BMPR2: variants seen among roughly 807,000 people sequenced by gnomAD.
BMPR2 encodes the protein bone morphogenetic protein receptor type 2.
In BMPR2, 29 loss-of-function variants were observed where a neutral mutation model predicts 100.8. The observed-to-expected ratio is 0.29, with a 90% CI of 0.21 to 0.39. The LOEUF is 0.39. Among genes scored for constraint, BMPR2 ranks in the 10% least tolerant of loss-of-function variants. BMPR2 has a pLI of 1.00. For missense variants in BMPR2, 1,011 were observed against 1,274.5 expected, an observed-to-expected ratio of 0.79 and a Z score of 3.15; for synonymous variants, 382 against 442.3, an observed-to-expected ratio of 0.86 and a Z score of 1.71.
At chr2:202,550,899 A>C (rs1181543430) in intron 10 of BMPR2, among the ~76,000 whole-genome samples, 1 of 149,376 alleles carries the variant, frequency 6.7e-6, no homozygotes, top group African/African-American at 2.5e-5. Context: ...CTTATTATCT[A>C]ATGTCCTTTG....
At position 202,384,554 on chromosome 2, in the gene BMPR2, TTC is replaced by T. The variant is rs1445175710; in HGVS notation, c.76+7006_76+7007del. 7.1e-4 allele frequency among the ~76,000 whole-genome samples: 38 copies of T among 53,626 alleles called. 1 individual carries two copies. Among genetic ancestry groups the T allele is most frequent in the African/African-American group, 2.2e-3 (27 of 12,492 alleles). 35.2% of individuals were successfully genotyped at this position (53,626 alleles called of 152,430 possible). On this transcript the variant is annotated intron_variant, in intron 1 of 12. Coordinates refer to ENST00000374580, the MANE Select transcript of BMPR2 (RefSeq NM_001204.7). ...TCTCTTTCTTTCTTTCTTTCTTTCT[TTC>T]TTTCTTTCTTTCTTTTTCTTTCTTT...
In BMPR2 at chr2:202,432,247, A is replaced by G. The variant is rs540452745; in HGVS notation, c.77-32562A>G. ...TGTAATTTGAAATGTTAATTTTCAG[A>G]TCACAAAGGTTGTCCATGTTCACAT... On this transcript the variant is annotated intron_variant, in intron 1 of 12. Transcript: ENST00000374580. Among the ~76,000 whole-genome samples, 14 of 150,962 alleles carry G rather than the reference A, an allele frequency of 9.3e-5. 2 individuals are homozygous for G. Among genetic ancestry groups the G allele is most frequent in the African/African-American group, 3.5e-4 (14 of 40,270 alleles).
At chr2:202,403,795 C>T (rs1034846745) in intron 1 of BMPR2, among the ~76,000 whole-genome samples, 4 of 152,158 alleles carry the variant, frequency 2.6e-5, no homozygotes, top group African/African-American at 9.6e-5. Flanking sequence ...CACATGAGGT[C>T]GGGAGTTCAA....
chr2:202,518,822 C>A lies in BMPR2; in HGVS notation c.622C>A (p.Leu208Met), dbSNP rs1187156034. 6.2e-7 allele frequency: 1 copy of A among 1,613,540 alleles called. No individual in the cohort carries two copies. Among genetic ancestry groups the A allele is most frequent in the South Asian group, 1.1e-5 (1 of 91,078 alleles). Residue 208 changes from leucine (L) to methionine (M), a missense_variant and splice_region_variant, in exon 6 of 13, where the codon CTG (leucine) becomes ATG (methionine). Around this residue, in one of 6 missense-constraint regions of BMPR2, gnomAD observed 355 missense variants for 455.3 expected, o/e 0.78. Coordinates refer to ENST00000374580, the MANE Select transcript of BMPR2 (RefSeq NM_001204.7). ...LDLDNLKLLE[L>M]IGRGRYGAVY... Reference sequence around the variant, plus strand: ...CTTGCTTTCTTTAAAACACTTGCAGCTGATTGGCCGAGGTCGATATGGAGC... The same window carrying A: ...CTTGCTTTCTTTAAAACACTTGCAGATGATTGGCCGAGGTCGATATGGAGC...
At chr2:202,412,017 T>C (rs1691022740) in intron 1 of BMPR2, among the ~76,000 whole-genome samples, 1 of 152,184 alleles carries the variant, frequency 6.6e-6, no homozygotes, top group Non-Finnish European at 1.5e-5. Context: ...TCAGTGTACA[T>C]TTCCTGGTTT....
chr2:202,490,184 A>G (rs1197016850), intron 3 of BMPR2, among the ~76,000 whole-genome samples: 1 of 152,240 alleles, frequency 6.6e-6, no homozygotes, highest in East Asian at 1.9e-4. Flanking sequence ...TTATGTGGCC[A>G]GATTCAAAGT....
chr2:202,539,686 A>G (rs1348358025), intron 9 of BMPR2, among the ~76,000 whole-genome samples: 1 of 152,058 alleles, frequency 6.6e-6, no homozygotes, highest in Non-Finnish European at 1.5e-5. Flanking sequence ...CAAAGTTTAA[A>G]TAGAAGGGGG....
chr2:202,493,154 A>G (rs1411785733), intron 3 of BMPR2, among the ~76,000 whole-genome samples: 1 of 152,164 alleles, frequency 6.6e-6, no homozygotes, highest in Non-Finnish European at 1.5e-5. Flanking sequence ...AATTTTCTGT[A>G]TTGTGAATTT....
intron 10 of BMPR2, 54 bp from the exon 11 acceptor site, chr2:202,552,662 C>T (rs1421650599): frequency 6.3e-7 from 1 of 1,578,594 alleles, no homozygotes; most frequent in Non-Finnish European, 8.7e-7. Flanking sequence ...CTGAAAAGCT[C>T]AATACATTTT....
chr2:202,467,907 G>T lies in BMPR2; in HGVS notation c.418+218G>T, dbSNP rs150631310. Reference sequence around the variant, plus strand: ...CTGCCAAAAGTAAAAAATTAGCCGGGCGTAGTGGTAGGCGCCTGTAATCCC... The same window carrying T: ...CTGCCAAAAGTAAAAAATTAGCCGGTCGTAGTGGTAGGCGCCTGTAATCCC... On this transcript the variant is annotated intron_variant, in intron 3 of 12. Coordinates refer to ENST00000374580, the MANE Select transcript of BMPR2 (RefSeq NM_001204.7). 1.4e-3 allele frequency among the ~76,000 whole-genome samples: 211 copies of T among 152,118 alleles called. 2 individuals carry two copies. In the East Asian group the frequency reaches 0.039, roughly 28 times the overall value.
chr2:202,390,015 A>T (rs913543726), intron 1 of BMPR2, among the ~76,000 whole-genome samples: 1 of 148,004 alleles, frequency 6.8e-6, no homozygotes, highest in African/African-American at 2.5e-5. Flanking sequence ...AAAAAAAAAA[A>T]TCGTCTCGTG....
rs560710730 is a variant in BMPR2, at chr2:202,377,261, C to T, written c.-214C>T. 18 of 634,294 alleles carry T rather than the reference C, an allele frequency of 2.8e-5. No individual in the cohort carries two copies. Among genetic ancestry groups the T allele is most frequent in the African/African-American group, 2.3e-4 (13 of 55,680 alleles). 39.3% of individuals were successfully genotyped at this position (634,294 alleles called of 1,614,324 possible). ...ACCCCGTCCGAGGCGAAGGAACCCC[C>T]CCAGCCGCGAGGGAGAGAAATGAAG... On this transcript the variant is annotated 5_prime_UTR_variant, in exon 1 of 13. Transcript: ENST00000374580.
intron 9 of BMPR2, among the ~76,000 whole-genome samples, chr2:202,537,306 A>G (rs141669824): frequency 2.0e-5 from 3 of 152,202 alleles, no homozygotes; most frequent in Non-Finnish European, 2.9e-5. Flanking sequence ...TGATTTTTTC[A>G]TCAGATTAGT....
At chr2:202,396,325 A>G (rs1407123762) in intron 1 of BMPR2, among the ~76,000 whole-genome samples, 1 of 152,202 alleles carries the variant, frequency 6.6e-6, no homozygotes, top group Admixed American at 6.5e-5. Context: ...CAGTTGCTGT[A>G]CTCAGCTCTG....
At chr2:202,480,381 G>A (rs1010202579) in intron 3 of BMPR2, among the ~76,000 whole-genome samples, 39 of 151,946 alleles carry the variant, frequency 2.6e-4, no homozygotes, top group African/African-American at 5.8e-4. Flanking sequence ...TGCCTGCCTC[G>A]GCCTCCCAAA....
intron 1 of BMPR2, among the ~76,000 whole-genome samples, chr2:202,434,154 A>C (rs1691561319): frequency 6.6e-6 from 1 of 150,654 alleles, no homozygotes; most frequent in South Asian, 2.1e-4. Context: ...ATTGCACCCA[A>C]ATCAGCTATA....
At chr2:202,490,490 A>T (rs1032643526) in intron 3 of BMPR2, among the ~76,000 whole-genome samples, 6 of 152,210 alleles carry the variant, frequency 3.9e-5, no homozygotes, top group African/African-American at 1.4e-4. Flanking sequence ...AGTTCTTTGC[A>T]TGTAAGAATG....
intron 3 of BMPR2, among the ~76,000 whole-genome samples, chr2:202,482,588 G>A (rs1692681905): frequency 6.6e-6 from 1 of 151,194 alleles, no homozygotes; most frequent in Non-Finnish European, 1.5e-5. Context: ...GCCCAGGCTG[G>A]AGTACAGTGG....
chr2:202,414,444 A>T (rs1691081816), intron 1 of BMPR2, among the ~76,000 whole-genome samples: 1 of 152,212 alleles, frequency 6.6e-6, no homozygotes, highest in African/African-American at 2.4e-5. Context: ...ACAGAGTTGC[A>T]CGTTTTTCAC....
Sources: gnomAD v4.1 joint callset for allele counts (sites outside exome capture counted in the v4.1 genomes callset) on GRCh38, gnomAD v4.1.1 for gene constraint, gnomAD v4.1.1 regional missense constraint, MANE v1.5 for transcripts, NCBI Gene and HGNC (gene_info 2026-07-23, HGNC 2026-07-21) for gene names.